SERTM1: variants seen among roughly 807,000 people sequenced by gnomAD.
SERTM1 encodes serine-rich and transmembrane domain-containing protein 1.
SERTM1 carries 1 observed loss-of-function variant against 5.5 expected under a neutral mutation model. That is an observed-to-expected ratio of 0.18 (90% CI 0.06 to 0.86). SERTM1 has a LOEUF of 0.86. Among genes scored for constraint, SERTM1 ranks in the 40% least tolerant of loss-of-function variants. The pLI, the probability that SERTM1 is intolerant of heterozygous loss-of-function variation, is 0.69. For synonymous variants in SERTM1, 52 were observed against 55.1 expected (o/e 0.94, Z 0.25); for missense variants, 91 against 122.4 (o/e 0.74, Z 1.21).
At chr13:36,684,062 C>A (rs2056724331) in intron 1 of SERTM1, among the ~76,000 whole-genome samples, 1 of 152,172 alleles carries the variant, frequency 6.6e-6, no homozygotes, top group African/African-American at 2.4e-5. Flanking sequence ...CTTTGGGAGG[C>A]TGAGGCAGAC....
intron 1 of SERTM1, among the ~76,000 whole-genome samples, chr13:36,685,593 A>C (rs1003956791): frequency 4.6e-5 from 7 of 152,178 alleles, no homozygotes; most frequent in Non-Finnish European, 8.8e-5. Context: ...TGCCATGACT[A>C]GCTTCAATTT....
chr13:36,688,219 A>ATT (rs948574969), intron 1 of SERTM1, among the ~76,000 whole-genome samples: 3 of 144,050 alleles, frequency 2.1e-5, no homozygotes, highest in Admixed American at 7.0e-5. Flanking sequence ...TATTTCATGT[A>ATT]TTTTTTTTTT....
chr13:36,675,012 C>G lies in SERTM1; in HGVS notation c.-174+828C>G, dbSNP rs1419682542. 3.9e-5 allele frequency among the ~76,000 whole-genome samples: 6 copies of G among 152,134 alleles called. No individual in the cohort carries two copies. In the South Asian group the frequency reaches 1.0e-3, roughly 26 times the overall value. ...AAGGGATATGTAATGTGCCCTCCTC[C>G]AGGGAGCAGAGGGATTCATTCACAG... On this transcript the variant is annotated intron_variant, in intron 1 of 1. Coordinates refer to ENST00000315190, the MANE Select transcript of SERTM1 (RefSeq NM_203451.3).
At chr13:36,681,324 T>A (rs1298060864) in intron 1 of SERTM1, among the ~76,000 whole-genome samples, 1 of 152,228 alleles carries the variant, frequency 6.6e-6, no homozygotes, top group Non-Finnish European at 1.5e-5. Flanking sequence ...TGCAGTTTCC[T>A]CATCTCACAG....
At chr13:36,677,980 T>TG (rs777259030) in intron 1 of SERTM1, among the ~76,000 whole-genome samples, 6 of 151,378 alleles carry the variant, frequency 4.0e-5, no homozygotes, top group Non-Finnish European at 7.4e-5. Flanking sequence ...AGTCAAACTT[T>TG]GAAAAAAAAA....
At position 36,695,521 on chromosome 13, in the gene SERTM1, T is replaced by C; in HGVS notation, c.*119T>C. The stretch of plus-strand genomic sequence containing the variant: ...TTTGGTGTAGACCTGCTTCTCCTTC[T>C]CCTTTTTCTCTGATTTCTTTTCTGT... On this transcript the variant is annotated 3_prime_UTR_variant, in exon 2 of 2. Transcript: ENST00000315190. 1.4e-6 allele frequency: 1 copy of C among 710,116 alleles called. No homozygotes were observed. The highest frequency in any genetic ancestry group is 1.9e-5 in the South Asian group (1 of 52,580). The allele number at this position is 710,116 out of a possible 1,614,324, so 44.0% of individuals were successfully genotyped here.
Position 36,694,892 on chromosome 13 carries a change from C to CT in SERTM1, c.-173-4dup, listed in dbSNP as rs955281533. On this transcript the variant is annotated splice_polypyrimidine_tract_variant and intron_variant, in intron 1 of 1. Transcript: ENST00000315190. ...TTTTTCTGAAGAATGCACTGACTTG[C>CT]TTTTTTTTTTCAGTCTCAATGCACA... 2,259 of 488,900 alleles carry CT rather than the reference C, an allele frequency of 4.6e-3. 1 individual carries two copies. Among genetic ancestry groups the CT allele is most frequent in the South Asian group, 8.5e-3 (295 of 34,724 alleles). 30.3% of individuals were successfully genotyped at this position (488,900 alleles called of 1,614,324 possible).
rs2056807296 is a variant in SERTM1, at chr13:36,695,460, T to A, written c.*58T>A. 7.8e-7 allele frequency: 1 copy of A among 1,279,520 alleles called. No homozygotes were observed. The highest frequency in any genetic ancestry group is 2.3e-5 in the East Asian group (1 of 43,172). The allele number at this position is 1,279,520 out of a possible 1,614,324, so 79.3% of individuals were successfully genotyped here. ...GTTTTGACATCCCCTTACGGAAGTG[T>A]CCCGTGAGGCATTGCCTCATGAAAG... On this transcript the variant is annotated 3_prime_UTR_variant, in exon 2 of 2. Transcript: ENST00000315190.
intron 1 of SERTM1, among the ~76,000 whole-genome samples, chr13:36,686,367 A>G (rs1407672696): frequency 2.6e-5 from 4 of 152,210 alleles, no homozygotes; most frequent in Non-Finnish European, 4.4e-5. Flanking sequence ...TGGCTGACTT[A>G]GCGCATATTT....
chr13:36,679,387 G>GT (rs1026269154), intron 1 of SERTM1, among the ~76,000 whole-genome samples: 6 of 151,938 alleles, frequency 3.9e-5, no homozygotes, highest in Non-Finnish European at 2.9e-5. Context: ...TTTTTTGTTT[G>GT]TTTGTTTTGT....
At chr13:36,684,412 C>T (rs1466268808) in intron 1 of SERTM1, among the ~76,000 whole-genome samples, 2 of 152,160 alleles carry the variant, frequency 1.3e-5, no homozygotes, top group Non-Finnish European at 1.5e-5. Context: ...CATATACAGA[C>T]ACACATCCAA....
Position 36,695,259 on chromosome 13 carries a change from A to G in SERTM1, c.181A>G (p.Ile61Val), listed in dbSNP as rs561361376. ...LLAFLLLLLI[I>V]ALQRLKNIIS... Reference sequence around the variant, plus strand: ...AGCGTTTCTGCTTCTGCTTTTAATCATTGCCCTCCAGAGGCTCAAAAATAT... The same window carrying G: ...AGCGTTTCTGCTTCTGCTTTTAATCGTTGCCCTCCAGAGGCTCAAAAATAT... Residue 61 changes from isoleucine to valine, a missense_variant, in exon 2 of 2, where the codon ATT becomes GTT. By Grantham distance (29) the Ile-to-Val change is conservative. Transcript: ENST00000315190. The G allele has an allele frequency of 6.2e-7, 1 of 1,614,078 alleles. No individual in the cohort carries two copies. Among genetic ancestry groups the G allele is most frequent in the African/African-American group, 1.3e-5 (1 of 75,008 alleles).
intron 1 of SERTM1, among the ~76,000 whole-genome samples, chr13:36,684,327 C>G (rs1246631950): frequency 6.6e-6 from 1 of 152,080 alleles, no homozygotes; most frequent in Non-Finnish European, 1.5e-5. Flanking sequence ...TTAATTTTCT[C>G]ATTTGCTAAA....
At chr13:36,694,416 T>C (rs899126912) in intron 1 of SERTM1, among the ~76,000 whole-genome samples, 1 of 152,236 alleles carries the variant, frequency 6.6e-6, no homozygotes, top group Non-Finnish European at 1.5e-5. Flanking sequence ...AGAATTTTCA[T>C]AAACAAATCA....
chr13:36,681,467 G>A (rs1271712397), intron 1 of SERTM1, among the ~76,000 whole-genome samples: 1 of 152,104 alleles, frequency 6.6e-6, no homozygotes, highest in Admixed American at 6.5e-5. Context: ...GTGCTGATTT[G>A]CTATTGAATT....
intron 1 of SERTM1, among the ~76,000 whole-genome samples, chr13:36,690,558 G>A (rs1407706658): frequency 6.6e-6 from 1 of 152,236 alleles, no homozygotes; most frequent in East Asian, 1.9e-4. Context: ...TAAGGAGAGA[G>A]AAAGCATTAA....
At chr13:36,681,926 T>C (rs769890776) in intron 1 of SERTM1, among the ~76,000 whole-genome samples, 13 of 152,350 alleles carry the variant, frequency 8.5e-5, no homozygotes, top group Admixed American at 2.0e-4. Context: ...AATAAAATCT[T>C]AGCTTTCTTA....
At chr13:36,676,597 AGGTCCCACTTG>A (rs1892147241) in intron 1 of SERTM1, among the ~76,000 whole-genome samples, 1 of 152,150 alleles carries the variant, frequency 6.6e-6, no homozygotes, top group South Asian at 2.1e-4. Flanking sequence ...GGCACTGTGT[AGGTCCCACTTG>A]CCTGGCTCAT....
rs74045374 is a variant in SERTM1 at position 36,687,496 on chromosome 13, G to A, written c.-173-7410G>A. On this transcript the variant is annotated intron_variant, in intron 1 of 1. Transcript: ENST00000315190. ...AGGGGAAAAGTATCTCCTTAATGGG[G>A]AATCTTTACTTTTTTTTTTCCAAAT... 9.4e-3 allele frequency among the ~76,000 whole-genome samples: 1,423 copies of A among 151,944 alleles called. 24 individuals carry two copies. The highest frequency in any genetic ancestry group is 0.033 in the African/African-American group (1,380 of 41,354).
Sources: allele counts gnomAD v4.1 joint callset (sites outside exome capture counted in the v4.1 genomes callset), GRCh38; gene constraint gnomAD v4.1.1; transcripts MANE v1.5; gene names NCBI Gene and HGNC (gene_info 2026-07-23, HGNC 2026-07-21).